The following SULT1E1 variants were observed in gnomAD, a reference collection of about 807,000 sequenced individuals.
SULT1E1 encodes the protein sulfotransferase family 1E member 1, also known as sulfotransferase 1E1.
A neutral mutation model predicts 33.6 loss-of-function variants in SULT1E1; 36 were observed. That is an observed-to-expected ratio of 1.07 (90% confidence interval 0.82 to 1.41). The LOEUF (loss-of-function observed/expected upper bound fraction) is 1.41. Ranked by LOEUF, SULT1E1 falls within the 40% of genes most tolerant of loss-of-function variation. The pLI, the probability that SULT1E1 is intolerant of heterozygous loss-of-function variation, is 0.00. For synonymous variants in SULT1E1, 121 were observed against 111.7 expected, an observed-to-expected ratio of 1.08 and a Z score of -0.53; for missense variants, 371 against 345.7, an observed-to-expected ratio of 1.07 and a Z score of -0.58.
chr4:69,823,961 A>T, the SULT1E1 span, among the ~76,000 whole-genome samples: 1 of 152,126 alleles, frequency 6.6e-6, no homozygotes, highest in South Asian at 2.1e-4. Flanking sequence ...AGAACATTTC[A>T]TCTACCACAT....
chr4:69,837,825 C>G (rs987298116), downstream of SULT1E1, among the ~76,000 whole-genome samples: 2 of 152,146 alleles, frequency 1.3e-5, no homozygotes, highest in African/African-American at 4.8e-5. Flanking sequence ...GCCACTGCTC[C>G]TGGCCAGTTT....
At position 69,852,214 on chromosome 4, in the gene SULT1E1, C is replaced by G. The variant is rs17147782; in HGVS notation, c.369+2003G>C. On this transcript the variant is annotated intron_variant, in intron 4 of 7. Coordinates refer to ENST00000226444, the MANE Select transcript of SULT1E1 (RefSeq NM_005420.3). ...TGCTATTTCTAAGCTTGTGGCCATT[C>G]CCTTGCTTTAACTGAAGATTTGAAC... Among the ~76,000 whole-genome samples the G allele has an allele frequency of 5.5e-3, 833 of 152,176 alleles. 6 individuals are homozygous for G. The highest frequency in any genetic ancestry group is 0.019 in the African/African-American group (796 of 41,518).
chr4:69,825,710 C>G, the SULT1E1 span, among the ~76,000 whole-genome samples: 1 of 152,088 alleles, frequency 6.6e-6, no homozygotes, highest in Non-Finnish European at 1.5e-5. Context: ...TCCGGGGTCC[C>G]GACAACAAGT....
intron 5 of SULT1E1, among the ~76,000 whole-genome samples, chr4:69,848,734 T>C (rs2110068816): frequency 6.6e-6 from 1 of 152,134 alleles, no homozygotes; most frequent in Non-Finnish European, 1.5e-5. Flanking sequence ...TATTATCATC[T>C]GTGGATATGA....
chr4:69,852,936 T>A (rs1721157512), intron 4 of SULT1E1, among the ~76,000 whole-genome samples: 1 of 151,932 alleles, frequency 6.6e-6, no homozygotes, highest in African/African-American at 2.4e-5. Context: ...TAATGACACA[T>A]CTCCTGGAAA....
downstream of SULT1E1, among the ~76,000 whole-genome samples, chr4:69,837,869 T>C (rs946410982): frequency 1.3e-5 from 2 of 152,186 alleles, no homozygotes; most frequent in Admixed American, 6.6e-5. Context: ...TTACCATTAC[T>C]AGGTGTCTTT....
At chr4:69,844,835 C>T (rs935321827) in intron 6 of SULT1E1, among the ~76,000 whole-genome samples, 1 of 152,136 alleles carries the variant, frequency 6.6e-6, no homozygotes, top group Admixed American at 6.5e-5. Flanking sequence ...TAGCTACAAA[C>T]ATCCCCATAT....
chr4:69,836,295 T>A (rs546220760), downstream of SULT1E1, among the ~76,000 whole-genome samples: 1 of 152,362 alleles, frequency 6.6e-6, no homozygotes, highest in South Asian at 2.1e-4. Flanking sequence ...TTCCTCCTAG[T>A]CAGTCTTGAG....
At position 69,841,938 on chromosome 4, in the gene SULT1E1, G is replaced by T; in HGVS notation, c.*56C>A. ...TAGCAATCTAAAATAAGAAAAAGTG[G>T]AGAATAATGAAAAGAAATCTTTAAT... On this transcript the variant is annotated 3_prime_UTR_variant, in exon 8 of 8. Transcript: ENST00000226444. The T allele has an allele frequency of 2.2e-6, 2 of 914,346 alleles. No homozygotes were observed. The highest frequency in any genetic ancestry group is 1.7e-6 in the Non-Finnish European group (1 of 589,812). The allele number at this position is 914,346 out of a possible 1,614,324, so 56.6% of individuals were successfully genotyped here. A position where few individuals can be genotyped will look rare whatever the true frequency, so the allele number is the denominator to read the frequency against.
At chr4:69,829,509 G>A in the SULT1E1 span, among the ~76,000 whole-genome samples, 1 of 152,154 alleles carries the variant, frequency 6.6e-6, no homozygotes, top group African/African-American at 2.4e-5. Context: ...TGCTTCCAGG[G>A]TCTTTTCTGC....
chr4:69,834,816 C>A, the SULT1E1 span, among the ~76,000 whole-genome samples: 1 of 152,034 alleles, frequency 6.6e-6, no homozygotes, highest in Non-Finnish European at 1.5e-5. Flanking sequence ...ACGTAAATTT[C>A]CCAATAAATA....
At chr4:69,851,398 G>T (rs2110070615) in intron 4 of SULT1E1, among the ~76,000 whole-genome samples, 1 of 152,252 alleles carries the variant, frequency 6.6e-6, no homozygotes, top group East Asian at 1.9e-4. Flanking sequence ...GGCCATCAGA[G>T]AAATGCAAAT....
intron 6 of SULT1E1, 80 bp from the exon 7 acceptor site, chr4:69,844,421 C>T: frequency 8.9e-7 from 1 of 1,120,784 alleles, no homozygotes; most frequent in Non-Finnish European, 1.2e-6. Flanking sequence ...AAAAATAAAC[C>T]TTTCTCTTTT....
downstream of SULT1E1, chr4:69,841,071 G>A (rs1229725783): frequency 6.6e-6 from 1 of 151,786 alleles, no homozygotes; most frequent in African/African-American, 2.4e-5. Context: ...GAAAATAAAA[G>A]AAAATAAGGA....
At chr4:69,835,103 C>A in the SULT1E1 span, among the ~76,000 whole-genome samples, 1 of 152,190 alleles carries the variant, frequency 6.6e-6, no homozygotes, top group East Asian at 1.9e-4. Context: ...ACCCTAAACT[C>A]TTTTACCTAG....
At chr4:69,823,417 C>T in the SULT1E1 span, among the ~76,000 whole-genome samples, 645 of 152,150 alleles carry the variant, frequency 4.2e-3, 11 homozygotes, top group African/African-American at 0.014. Flanking sequence ...TTAGGGTCTC[C>T]GAGAGGGGGA....
At chr4:69,832,277 C>A in the SULT1E1 span, among the ~76,000 whole-genome samples, 1 of 152,196 alleles carries the variant, frequency 6.6e-6, no homozygotes, top group Non-Finnish European at 1.5e-5. Flanking sequence ...CAGTGGCATG[C>A]TTGGGGTAAC....
intron 7 of SULT1E1, among the ~76,000 whole-genome samples, chr4:69,842,693 A>G (rs902851960): frequency 6.6e-6 from 1 of 152,152 alleles, no homozygotes; most frequent in African/African-American, 2.4e-5. Flanking sequence ...CTTTCTTTAT[A>G]TCTACTGCCT....
At chr4:69,835,499 A>G in the SULT1E1 span, among the ~76,000 whole-genome samples, 1 of 152,222 alleles carries the variant, frequency 6.6e-6, no homozygotes, top group Non-Finnish European at 1.5e-5. Flanking sequence ...GGAAGATTCA[A>G]ACTGAATTTA....
Sources: allele counts gnomAD v4.1 joint callset (sites outside exome capture counted in the v4.1 genomes callset), GRCh38; gene constraint gnomAD v4.1.1; transcripts MANE v1.5; gene names NCBI Gene and HGNC (gene_info 2026-07-23, HGNC 2026-07-21).